The following DMAC2L variants were observed in gnomAD, a reference collection of about 807,000 sequenced individuals.
DMAC2L encodes the protein distal membrane arm assembly component 2 like.
A neutral mutation model predicts 22.5 loss-of-function variants in DMAC2L; 21 were observed. That is an observed-to-expected ratio of 0.93 (90% CI 0.66 to 1.34). The LOEUF (loss-of-function observed/expected upper bound fraction) is 1.34, where lower values mean the gene tolerates loss of function less well. Among genes scored for constraint, DMAC2L ranks in the 40% most tolerant of loss-of-function variants. DMAC2L has a pLI of 0.00. For missense variants in DMAC2L, 239 were observed against 246.5 expected, an observed-to-expected ratio of 0.97 and a Z score of 0.20; for synonymous variants, 86 against 89.5, an observed-to-expected ratio of 0.96 and a Z score of 0.22.
At chr14:50,311,562 T>C (rs1278680602), upstream of DMAC2L, 1 of 440,608 alleles carries the variant, frequency 2.3e-6, no homozygotes, top group Non-Finnish European at 4.6e-6. Context: ...ATGCGGGGTG[T>C]GCCAGGAACT....
At chr14:50,325,005 A>G (rs889627889) in intron 5 of DMAC2L, among the ~76,000 whole-genome samples, 1 of 152,164 alleles carries the variant, frequency 6.6e-6, no homozygotes, top group African/African-American at 2.4e-5. Flanking sequence ...CGAACTCCTG[A>G]ACTCATGATC....
rs1256028301 is a variant in DMAC2L, at chr14:50,325,738, T to C, written c.*15T>C. The C allele has an allele frequency of 6.2e-7, 1 of 1,603,380 alleles. No homozygotes were observed. Among genetic ancestry groups the C allele is most frequent in the South Asian group, 1.1e-5 (1 of 89,658 alleles). On this transcript the variant is annotated 3_prime_UTR_variant, in exon 6 of 6. Coordinates refer to ENST00000557421, the MANE Select transcript of DMAC2L (RefSeq NM_001382507.1). The stretch of plus-strand genomic sequence containing the variant: ...AATTGAAGTAAAATAATGTGTCTTA[T>C]TTCAGTATAAAGGATCATTTGAAAC...
At chr14:50,319,424 A>G (rs1178205956) in intron 2 of DMAC2L, 1 of 1,411,582 alleles carries the variant, frequency 7.1e-7, no homozygotes, top group Non-Finnish European at 9.5e-7. Context: ...CTTTCTCTTG[A>G]ATTCCAGAAC....
At chr14:50,319,749 A>AT (rs1460537334) in intron 2 of DMAC2L, among the ~76,000 whole-genome samples, 33 of 152,298 alleles carry the variant, frequency 2.2e-4, no homozygotes, top group Non-Finnish European at 1.5e-4. Context: ...TAGTATGTAG[A>AT]TTATGAAAAA....
intron 2 of DMAC2L, among the ~76,000 whole-genome samples, chr14:50,315,873 G>T (rs1000804876): frequency 2.0e-5 from 3 of 152,114 alleles, no homozygotes; most frequent in Non-Finnish European, 4.4e-5. Context: ...AAACATGCGT[G>T]TGCAAGTATC....
Position 50,325,827 on chromosome 14 carries a change from A to T in DMAC2L, c.*104A>T. On this transcript the variant is annotated 3_prime_UTR_variant, in exon 6 of 6. Transcript: ENST00000557421. ...AGTAGAATTATAAGGATGCCATATC[A>T]TGACATTTTAGAAGTGGAGAGTGCA... 1.4e-6 allele frequency: 2 copies of T among 1,451,788 alleles called. No homozygotes were observed. Among genetic ancestry groups the T allele is most frequent in the Middle Eastern group, 2.2e-4 (1 of 4,636 alleles). The allele number at this position is 1,451,788 out of a possible 1,614,324, so 89.9% of individuals were successfully genotyped here.
chr14:50,324,106 C>T lies in DMAC2L; in HGVS notation c.478C>T (p.Arg160Cys), dbSNP rs367647990. Residue 160 changes from arginine to cysteine, a missense_variant, in exon 5 of 6, where the codon CGT becomes TGT. By Grantham distance (180) the Arg-to-Cys change is radical. Coordinates refer to ENST00000557421, the MANE Select transcript of DMAC2L (RefSeq NM_001382507.1). ...CACAGACAAAGGCATCATTGCTTTGCGTCATTTAAGGTAGATGATCAAAGC... is the reference window on the plus strand; with the variant it reads ...CACAGACAAAGGCATCATTGCTTTGTGTCATTTAAGGTAGATGATCAAAGC... The part of the protein sequence containing the change: ...NITDKGIIAL[R>C]HLRNLKYLLL... 2.4e-5 allele frequency: 39 copies of T among 1,609,272 alleles called. No individual in the cohort carries two copies. The African/African-American group carries it at 3.7e-4, about 15-fold the overall frequency.
At chr14:50,322,453 T>C (rs1029670518) in intron 3 of DMAC2L, 58 bp from the exon 4 acceptor site, 158 of 1,509,492 alleles carry the variant, frequency 1.0e-4, no homozygotes, top group Middle Eastern at 1.8e-4. Flanking sequence ...TCAGTTAATA[T>C]AGTTAACAAG....
intron 2 of DMAC2L, among the ~76,000 whole-genome samples, chr14:50,316,376 TC>T (rs1261834359): frequency 6.6e-6 from 1 of 152,264 alleles, no homozygotes; most frequent in Non-Finnish European, 1.5e-5. Flanking sequence ...TGCTGACTGT[TC>T]CTTTTGCCAC....
rs775076603 is a variant in DMAC2L, at chr14:50,322,734, G to A, written c.316+15G>A. The stretch of plus-strand genomic sequence containing the variant: ...TGATCACATGGGTAACTACCCTATC[G>A]TTTTGCTAATAGAAAATGCAGATGA... On this transcript the variant is annotated intron_variant, in intron 4 of 5. Coordinates refer to ENST00000557421, the MANE Select transcript of DMAC2L (RefSeq NM_001382507.1). 29 of 1,613,910 alleles carry A rather than the reference G, an allele frequency of 1.8e-5. No individual in the cohort carries two copies. The highest frequency in any genetic ancestry group is 8.9e-5 in the East Asian group (4 of 44,900).
rs1360168324 is a variant in DMAC2L, at chr14:50,322,568, G to A, written c.165G>A (p.Leu55=). ...CTGACAGGGCGGCATCCGAGTGGTT[G>A]CTGCGCTGTGGGGCCATGGTGCGCT... ...VGPDRAASEW[L]LRCGAMVRYH... Residue 55 remains leucine (L), a synonymous_variant, in exon 4 of 6, where the codon TTG becomes TTA. Transcript: ENST00000557421. 2 of 1,614,050 alleles carry A rather than the reference G, an allele frequency of 1.2e-6. No homozygotes were observed. The highest frequency in any genetic ancestry group is 1.7e-6 in the Non-Finnish European group (2 of 1,180,016).
chr14:50,323,230 C>T (rs1449058004), intron 4 of DMAC2L, among the ~76,000 whole-genome samples: 1 of 149,904 alleles, frequency 6.7e-6, no homozygotes, highest in Non-Finnish European at 1.5e-5. Context: ...GGACTATAGG[C>T]GCCCGCCACC....
At chr14:50,319,730 G>C (rs2032108620) in intron 2 of DMAC2L, among the ~76,000 whole-genome samples, 2 of 152,088 alleles carry the variant, frequency 1.3e-5, no homozygotes, top group African/African-American at 4.8e-5. Flanking sequence ...TAGAAATCCT[G>C]CTAACACTTA....
At chr14:50,325,247 C>T (rs1312801197) in intron 5 of DMAC2L, among the ~76,000 whole-genome samples, 1 of 152,208 alleles carries the variant, frequency 6.6e-6, no homozygotes, top group African/African-American at 2.4e-5. Flanking sequence ...TCATCTCTTA[C>T]ATTACTTGAA....
At chr14:50,320,303 GT>G (rs1216239922) in intron 2 of DMAC2L, among the ~76,000 whole-genome samples, 1 of 151,854 alleles carries the variant, frequency 6.6e-6, no homozygotes, top group East Asian at 1.9e-4. Context: ...TAGAGACAGA[GT>G]TTCACCGTGT....
At chr14:50,313,230 A>G (rs908050082) in intron 1 of DMAC2L, among the ~76,000 whole-genome samples, 1 of 152,192 alleles carries the variant, frequency 6.6e-6, no homozygotes, top group Admixed American at 6.5e-5. Flanking sequence ...AACATAACAA[A>G]TAGAATTATA....
At position 50,326,206 on chromosome 14, in the gene DMAC2L, G is replaced by A. The variant is rs151168913; in HGVS notation, c.*483G>A. On this transcript the variant is annotated 3_prime_UTR_variant, in exon 6 of 6. Coordinates refer to ENST00000557421, the MANE Select transcript of DMAC2L (RefSeq NM_001382507.1). ...ATTGTGCCACTGCACTCCAGCCTGG[G>A]TGACAGAGCGAGACTGTCTCAAAAA... is the stretch of plus-strand genomic sequence containing the variant. The A allele has an allele frequency of 2.4e-3, 689 of 291,252 alleles. 2 individuals carry two copies. The Middle Eastern group carries it at 0.043, about 18-fold the overall frequency. 18.0% of individuals were successfully genotyped at this position (291,252 alleles called of 1,614,324 possible).
At position 50,326,570 on chromosome 14, in the gene DMAC2L, C is replaced by A; in HGVS notation, c.*847C>A. 1 of 985,424 alleles carries A rather than the reference C, an allele frequency of 1.0e-6. No individual in the cohort carries two copies. Among genetic ancestry groups the A allele is most frequent in the Non-Finnish European group, 1.2e-6 (1 of 829,934 alleles). 61.0% of individuals were successfully genotyped at this position (985,424 alleles called of 1,614,324 possible). A position where few individuals can be genotyped will look rare whatever the true frequency, so the allele number is the denominator to read the frequency against. On this transcript the variant is annotated 3_prime_UTR_variant, in exon 6 of 6. Coordinates refer to ENST00000557421, the MANE Select transcript of DMAC2L (RefSeq NM_001382507.1). ...GCATTCTTGTGTTCTTGATAGCATACAGACTTACTCAGAATCAACAGTTGC... is the reference window on the plus strand; with the variant it reads ...GCATTCTTGTGTTCTTGATAGCATAAAGACTTACTCAGAATCAACAGTTGC...
At chr14:50,315,202 G>A (rs572963905) in intron 2 of DMAC2L, among the ~76,000 whole-genome samples, 89 of 151,348 alleles carry the variant, frequency 5.9e-4, no homozygotes, top group Middle Eastern at 3.4e-3. Flanking sequence ...TCCTGGCCTC[G>A]TGATCCACCC....
Sources: allele counts gnomAD v4.1 joint callset (sites outside exome capture counted in the v4.1 genomes callset), GRCh38; gene constraint gnomAD v4.1.1; transcripts MANE v1.5; gene names NCBI Gene and HGNC (gene_info 2026-07-23, HGNC 2026-07-21).